SORCS3: variants seen among roughly 807,000 people sequenced by gnomAD.
The protein encoded by SORCS3 is sortilin related VPS10 domain containing receptor 3, also known as VPS10 domain-containing receptor SorCS3.
A neutral mutation model predicts 146.3 loss-of-function variants in SORCS3; 57 were observed. The ratio of observed to expected loss-of-function variants is 0.39; its 90% CI spans 0.31 to 0.49. The LOEUF is 0.49. Ranked by LOEUF, SORCS3 falls within the 20% of genes least tolerant of loss-of-function variation. The probability of loss-of-function intolerance (pLI) is 0.92; values close to 1 mark genes in which losing one functional copy is unlikely to be tolerated. For missense variants in SORCS3, 1,341 were observed against 1,575.5 expected (o/e 0.85, Z 2.52); for synonymous variants, 653 against 618.5 (o/e 1.06, Z -0.83).
At chr10:105,034,861 G>A (rs1347526559) in intron 4 of SORCS3, among the ~76,000 whole-genome samples, 2 of 152,096 alleles carry the variant, frequency 1.3e-5, no homozygotes, top group Non-Finnish European at 2.9e-5. Flanking sequence ...ATATAATTAA[G>A]GAGACTTAAG....
chr10:104,812,902 T>C (rs2133519938), intron 1 of SORCS3, among the ~76,000 whole-genome samples: 1 of 152,342 alleles, frequency 6.6e-6, no homozygotes, highest in African/African-American at 2.4e-5. Flanking sequence ...ATCATGGGTA[T>C]ATGGATTTTA....
At chr10:104,898,080 G>C (rs940595545) in intron 2 of SORCS3, among the ~76,000 whole-genome samples, 2 of 152,174 alleles carry the variant, frequency 1.3e-5, no homozygotes, top group Non-Finnish European at 2.9e-5. Flanking sequence ...TGTTGTCTGA[G>C]AGCCAGTGTG....
chr10:104,805,118 A>G (rs2017666568), intron 1 of SORCS3, among the ~76,000 whole-genome samples: 1 of 152,232 alleles, frequency 6.6e-6, no homozygotes, highest in South Asian at 2.1e-4. Context: ...AGGGGCCATA[A>G]GCCATGGACC....
intron 23 of SORCS3, among the ~76,000 whole-genome samples, chr10:105,254,753 C>G (rs184376880): frequency 6.6e-6 from 1 of 151,896 alleles, no homozygotes; most frequent in African/African-American, 2.4e-5. Context: ...CAGTCAAGAT[C>G]ATGCCACTGC....
At chr10:104,871,137 A>G (rs1049255710) in intron 2 of SORCS3, among the ~76,000 whole-genome samples, 7 of 152,224 alleles carry the variant, frequency 4.6e-5, no homozygotes, top group Non-Finnish European at 1.0e-4. Context: ...ACAGTGTGTC[A>G]TACACTATCT....
chr10:104,987,686 A>G (rs1234548634), intron 4 of SORCS3, among the ~76,000 whole-genome samples: 1 of 152,006 alleles, frequency 6.6e-6, no homozygotes, highest in African/African-American at 2.4e-5. Flanking sequence ...ATGTAACCTC[A>G]ATCTATATTA....
intron 1 of SORCS3, among the ~76,000 whole-genome samples, chr10:104,816,383 A>G (rs866851786): frequency 2.6e-5 from 4 of 152,206 alleles, no homozygotes; most frequent in African/African-American, 9.6e-5. Flanking sequence ...TTCTTCATGT[A>G]TAAACTACCT....
chr10:104,696,300 AC>A (rs1456540118), intron 1 of SORCS3, among the ~76,000 whole-genome samples: 2 of 114,368 alleles, frequency 1.7e-5, no homozygotes, highest in African/African-American at 7.4e-5. Flanking sequence ...TATCATATAC[AC>A]ATATGATATA....
At chr10:104,781,825 G>A (rs879345702) in intron 1 of SORCS3, among the ~76,000 whole-genome samples, 1 of 152,186 alleles carries the variant, frequency 6.6e-6, no homozygotes, top group Non-Finnish European at 1.5e-5. Context: ...TGGCCTTTTG[G>A]TATCAGGGTG....
At chr10:104,834,915 A>G (rs1185344731) in intron 1 of SORCS3, among the ~76,000 whole-genome samples, 1 of 152,108 alleles carries the variant, frequency 6.6e-6, no homozygotes, top group African/African-American at 2.4e-5. Context: ...GGGCAAGATG[A>G]GAAAGGAATC....
chr10:105,010,495 A>G (rs1050611545), intron 4 of SORCS3, among the ~76,000 whole-genome samples: 14 of 152,210 alleles, frequency 9.2e-5, no homozygotes, highest in Non-Finnish European at 1.0e-4. Flanking sequence ...TGAAGATTAT[A>G]TACCTTTTAG....
At position 105,020,410 on chromosome 10, in the gene SORCS3, C is replaced by T. The variant is rs181116779; in HGVS notation, c.955-22645C>T. 1.2e-4 allele frequency among the ~76,000 whole-genome samples: 19 copies of T among 152,266 alleles called. No individual in the cohort carries two copies. The East Asian group carries it at 2.3e-3, about 19-fold the overall frequency. On this transcript the variant is annotated intron_variant, in intron 4 of 26. Coordinates refer to ENST00000369701, the MANE Select transcript of SORCS3 (RefSeq NM_014978.3). ...TACAATTTCATCTATTCACAGTTTG[C>T]ATCATACAAGTGTCACTCATCTATA...
At chr10:104,826,398 G>T (rs1218644969) in intron 1 of SORCS3, among the ~76,000 whole-genome samples, 1 of 152,152 alleles carries the variant, frequency 6.6e-6, no homozygotes, top group African/African-American at 2.4e-5. Flanking sequence ...ATATACCTCA[G>T]AGATATTGTG....
At chr10:104,913,355 T>C (rs2133598337) in intron 2 of SORCS3, among the ~76,000 whole-genome samples, 1 of 152,250 alleles carries the variant, frequency 6.6e-6, no homozygotes, top group South Asian at 2.1e-4. Context: ...TTTTAGGAAA[T>C]AGCATTATTA....
At chr10:105,129,331 C>CTCTTTTTTTTTTTTTTTTTTTTT (rs1172062304) in intron 7 of SORCS3, among the ~76,000 whole-genome samples, 1 of 104,634 alleles carries the variant, frequency 9.6e-6, no homozygotes, top group African/African-American at 3.9e-5. Context: ...CTTTCTTTCT[C>CTCTTTTTTTTTTTTTTTTTTTTT]TTTTTTTTTT....
chr10:105,076,185 C>T (rs1420525646), intron 5 of SORCS3, among the ~76,000 whole-genome samples: 1 of 152,186 alleles, frequency 6.6e-6, no homozygotes, highest in Non-Finnish European at 1.5e-5. Context: ...TTAACTATAA[C>T]TTGCCCAAGG....
chr10:105,178,207 C>G, intron 14 of SORCS3, 34 bp downstream of exon 14: 1 of 1,508,756 alleles, frequency 6.6e-7, no homozygotes, highest in Non-Finnish European at 9.2e-7. Flanking sequence ...AGGAAGAAGA[C>G]CAGAGACACT....
chr10:104,758,358 T>A (rs1295921558), intron 1 of SORCS3, among the ~76,000 whole-genome samples: 1 of 152,152 alleles, frequency 6.6e-6, no homozygotes, highest in Non-Finnish European at 1.5e-5. Context: ...ATAATGAGGG[T>A]TACTGCATTT....
chr10:105,205,074 G>A (rs764169682), intron 16 of SORCS3, among the ~76,000 whole-genome samples: 1 of 152,142 alleles, frequency 6.6e-6, no homozygotes. Context: ...AGTCCATTTA[G>A]ATGTTTCCCT....
Sources: allele counts gnomAD v4.1 joint callset (sites outside exome capture counted in the v4.1 genomes callset), GRCh38; gene constraint gnomAD v4.1.1; transcripts MANE v1.5; gene names NCBI Gene and HGNC (gene_info 2026-07-23, HGNC 2026-07-21).